The following FGD4 variants were observed in gnomAD, a reference collection of about 807,000 sequenced individuals.
The protein encoded by FGD4 is FYVE, RhoGEF and PH domain-containing protein 4.
FGD4 carries 42 observed loss-of-function variants against 102.0 expected under a neutral mutation model. That is an observed-to-expected ratio of 0.41 (90% CI 0.32 to 0.53). The LOEUF is 0.53. FGD4 is among the 20% of genes least tolerant of loss of function. The pLI is 0.21. For missense variants in FGD4, 902 were observed against 1,078.2 expected, an observed-to-expected ratio of 0.84 and a Z score of 2.29; for synonymous variants, 380 against 375.7, an observed-to-expected ratio of 1.01 and a Z score of -0.13.
chr12:32,619,621 G>A, intron 10 of FGD4, 77 bp from the exon 11 acceptor site: 2 of 1,497,192 alleles, frequency 1.3e-6, no homozygotes, highest in Non-Finnish European at 1.9e-6. Flanking sequence ...AACAGAGTGA[G>A]ACTCTGTCTC....
chr12:32,527,651 A>ATC (rs1941392027), intron 1 of FGD4, among the ~76,000 whole-genome samples: 1 of 152,036 alleles, frequency 6.6e-6, no homozygotes, highest in Admixed American at 6.5e-5. Context: ...GATGGTCTCG[A>ATC]TCTCCTGACC....
chr12:32,627,666 G>A (rs969817345), intron 14 of FGD4, among the ~76,000 whole-genome samples: 4 of 152,108 alleles, frequency 2.6e-5, no homozygotes, highest in Admixed American at 2.6e-4. Flanking sequence ...AGGGACACTC[G>A]TCAGCTTAAT....
At chr12:32,478,040 G>A (rs1167171845) in intron 1 of FGD4, among the ~76,000 whole-genome samples, 1 of 151,876 alleles carries the variant, frequency 6.6e-6, no homozygotes, top group African/African-American at 2.4e-5. Flanking sequence ...GTTCTGTTTA[G>A]AAAAAAAATA....
intron 14 of FGD4, among the ~76,000 whole-genome samples, chr12:32,630,985 A>G (rs1950469674): frequency 6.6e-6 from 1 of 151,808 alleles, no homozygotes; most frequent in South Asian, 2.1e-4. Context: ...ACCCCATCTC[A>G]AAAAAATAAA....
rs1453427212 is a variant in FGD4, at chr12:32,438,673, G to A, written c.166+38714G>A. On this transcript the variant is annotated intron_variant, in intron 1 of 16. Transcript: ENST00000534526. Reference sequence around the variant, plus strand: ...CACCCAGGCTGGAGTGCAGTGGCGCGATCTCAACTGCAACCTCCACCTCCC... The same window carrying A: ...CACCCAGGCTGGAGTGCAGTGGCGCAATCTCAACTGCAACCTCCACCTCCC... 4.0e-5 allele frequency among the ~76,000 whole-genome samples: 6 copies of A among 151,438 alleles called. No homozygotes were observed. In the South Asian group the frequency reaches 1.0e-3, roughly 26 times the overall value.
intron 1 of FGD4, among the ~76,000 whole-genome samples, chr12:32,532,568 G>A (rs1941904461): frequency 2.0e-5 from 3 of 151,534 alleles, no homozygotes; most frequent in Admixed American, 2.0e-4. Flanking sequence ...GCACATGTTA[G>A]CTTTTTTTTT....
intron 1 of FGD4, among the ~76,000 whole-genome samples, chr12:32,420,596 C>T (rs1036276382): frequency 4.6e-5 from 7 of 152,292 alleles, no homozygotes; most frequent in African/African-American, 1.4e-4. Flanking sequence ...ACTCAAGTGA[C>T]GGTTGTTCAT....
At chr12:32,496,585 T>G (rs780885402) in intron 1 of FGD4, among the ~76,000 whole-genome samples, 2 of 152,210 alleles carry the variant, frequency 1.3e-5, no homozygotes, top group Admixed American at 6.5e-5. Context: ...TAGAACATTG[T>G]TTATTATTAG....
chr12:32,562,903 C>G, intron 1 of FGD4, among the ~76,000 whole-genome samples: 1 of 152,252 alleles, frequency 6.6e-6, no homozygotes, highest in African/African-American at 2.4e-5. Context: ...ATTGTCATCC[C>G]GGCCCGTTCT....
intron 1 of FGD4, among the ~76,000 whole-genome samples, chr12:32,432,350 GCGCCCGA>G (rs1260758899): frequency 6.7e-6 from 1 of 150,346 alleles, no homozygotes; most frequent in Admixed American, 6.6e-5. Flanking sequence ...GTGAGCCACC[GCGCCCGA>G]CCAATCCTAG....
At chr12:32,543,117 A>T (rs983403961) in intron 1 of FGD4, among the ~76,000 whole-genome samples, 1 of 152,204 alleles carries the variant, frequency 6.6e-6, no homozygotes. Context: ...ATCAGATTTA[A>T]TAATTTGCTA....
intron 1 of FGD4, among the ~76,000 whole-genome samples, chr12:32,519,117 AGG>A (rs1940223357): frequency 1.0e-5 from 1 of 99,316 alleles, no homozygotes; most frequent in African/African-American, 3.9e-5. Context: ...ACTCCGTCTC[AGG>A]AAAAAAAAAA....
chr12:32,594,859 GTC>G (rs1565883641), intron 4 of FGD4, among the ~76,000 whole-genome samples: 1 of 152,022 alleles, frequency 6.6e-6, no homozygotes, highest in East Asian at 1.9e-4. Context: ...GTGAAACCCC[GTC>G]TCTACTAAAA....
At chr12:32,625,595 A>G in intron 13 of FGD4, 59 bp from the exon 14 acceptor site, 1 of 1,564,438 alleles carries the variant, frequency 6.4e-7, no homozygotes, top group Non-Finnish European at 8.7e-7. Context: ...TCAAAAAATA[A>G]TAATAAAAGG....
chr12:32,638,772 C>T lies in FGD4; in HGVS notation c.2431C>T (p.Leu811=), dbSNP rs560775523. The change falls in exon 16 of 17, where the codon CTG becomes TTG. Residue 811 remains leucine, a synonymous_variant. Transcript: ENST00000534526. The part of the protein sequence containing the change: ...CVIPKQDPLV[L]YMYGAPQDVR... ...GATCCCCAAGCAAGACCCTCTTGTG[C>T]TGTACATGTATGGTGCCCCCCAGGT... 6 of 1,614,194 alleles carry T rather than the reference C, an allele frequency of 3.7e-6. No individual in the cohort carries two copies. The East Asian group carries it at 1.3e-4, about 36-fold the overall frequency.
chr12:32,418,951 C>T (rs576304300), intron 1 of FGD4, among the ~76,000 whole-genome samples: 1 of 152,282 alleles, frequency 6.6e-6, no homozygotes, highest in African/African-American at 2.4e-5. Flanking sequence ...CCCACTCTTC[C>T]CTCCCCTTTC....
At position 32,604,350 on chromosome 12, in the gene FGD4, G is replaced by A. The variant is rs567401487; in HGVS notation, c.1404+2033G>A. 4.6e-5 allele frequency among the ~76,000 whole-genome samples: 7 copies of A among 151,572 alleles called. No individual in the cohort carries two copies. In the East Asian group the frequency reaches 1.2e-3, roughly 25 times the overall value. On this transcript the variant is annotated intron_variant, in intron 7 of 16. Coordinates refer to ENST00000534526, the MANE Select transcript of FGD4 (RefSeq NM_001370298.3). ...TTTTACTCCCATTACACAAATTTTGGTGGGTTCCTTTTGTTTGTTTTGGAA... is the reference window on the plus strand; with the variant it reads ...TTTTACTCCCATTACACAAATTTTGATGGGTTCCTTTTGTTTGTTTTGGAA...
intron 1 of FGD4, among the ~76,000 whole-genome samples, chr12:32,452,887 G>A (rs1259103778): frequency 6.6e-6 from 1 of 151,940 alleles, no homozygotes. Context: ...TACTCAGCAG[G>A]CTGAGGTGGG....
intron 7 of FGD4, among the ~76,000 whole-genome samples, chr12:32,603,223 A>C (rs1948540357): frequency 6.6e-6 from 1 of 152,100 alleles, no homozygotes; most frequent in Non-Finnish European, 1.5e-5. Flanking sequence ...ATACTATTAT[A>C]TTTGCCCTTT....
Sources: allele counts gnomAD v4.1 joint callset (sites outside exome capture counted in the v4.1 genomes callset), GRCh38; gene constraint gnomAD v4.1.1; transcripts MANE v1.5; gene names NCBI Gene and HGNC (gene_info 2026-07-23, HGNC 2026-07-21).